The following SNX24 variants were observed in gnomAD, a reference collection of about 807,000 sequenced individuals.
The protein encoded by SNX24 is sorting nexin 24.
Under a neutral mutation model 28.7 loss-of-function variants are expected in SNX24, and 22 were observed. That is an observed-to-expected ratio of 0.77 (90% CI 0.55 to 1.10). The LOEUF is 1.10. Among genes scored for constraint, SNX24 ranks in the 50% least tolerant of loss-of-function variants. SNX24 has a pLI of 0.00. For missense variants in SNX24, 221 were observed against 201.1 expected, an observed-to-expected ratio of 1.10 and a Z score of -0.60; for synonymous variants, 69 against 71.5, an observed-to-expected ratio of 0.96 and a Z score of 0.18.
intron 1 of SNX24, among the ~76,000 whole-genome samples, chr5:122,852,517 A>T (rs573287093): frequency 2.2e-4 from 34 of 151,900 alleles, no homozygotes; most frequent in African/African-American, 8.2e-4. Context: ...CAAATTTTGT[A>T]TTTTTGCTAG....
At chr5:122,942,943 T>G (rs1759524185) in intron 2 of SNX24, among the ~76,000 whole-genome samples, 1 of 152,204 alleles carries the variant, frequency 6.6e-6, no homozygotes, top group African/African-American at 2.4e-5. Flanking sequence ...TGCTAGATCT[T>G]CTAAATTTTT....
chr5:122,849,260 G>A (rs944680768), intron 1 of SNX24, among the ~76,000 whole-genome samples: 4 of 152,152 alleles, frequency 2.6e-5, no homozygotes, highest in African/African-American at 7.2e-5. Flanking sequence ...AACATGTAAA[G>A]CTTTATTTAC....
intron 1 of SNX24, among the ~76,000 whole-genome samples, chr5:122,920,203 G>A (rs1020821861): frequency 4.6e-5 from 7 of 152,206 alleles, no homozygotes; most frequent in African/African-American, 1.7e-4. Flanking sequence ...ATGTGGTGAA[G>A]CCTTTTTGAG....
At chr5:122,999,672 G>A (rs553318844) in intron 3 of SNX24, among the ~76,000 whole-genome samples, 1 of 152,284 alleles carries the variant, frequency 6.6e-6, no homozygotes, top group Non-Finnish European at 1.5e-5. Context: ...TATAGTAGGT[G>A]CTCTATAAAT....
At chr5:123,006,814 C>T (rs901620729) in intron 6 of SNX24, among the ~76,000 whole-genome samples, 2 of 152,170 alleles carry the variant, frequency 1.3e-5, no homozygotes, top group African/African-American at 4.8e-5. Context: ...TCTGATGAGG[C>T]CCAATCCCCT....
intron 6 of SNX24, among the ~76,000 whole-genome samples, chr5:123,007,479 G>T (rs922869252): frequency 7.2e-5 from 11 of 152,114 alleles, no homozygotes; most frequent in African/African-American, 2.4e-4. Flanking sequence ...TTCCTGCCGC[G>T]CCTGGTGGTG....
chr5:123,009,422 A>C (rs1025974449), downstream of SNX24, among the ~76,000 whole-genome samples: 2 of 152,186 alleles, frequency 1.3e-5, no homozygotes. Context: ...GATAATAAGA[A>C]TTTTTTTGAA....
intron 3 of SNX24, among the ~76,000 whole-genome samples, chr5:122,980,198 T>C (rs1761335389): frequency 6.6e-6 from 1 of 152,196 alleles, no homozygotes; most frequent in South Asian, 2.1e-4. Context: ...TTTTTTGCAA[T>C]TTATAATTTT....
chr5:122,975,150 A>AT (rs1561681971), intron 3 of SNX24, among the ~76,000 whole-genome samples: 1 of 151,704 alleles, frequency 6.6e-6, no homozygotes, highest in Non-Finnish European at 1.5e-5. Context: ...ACCCCATCAC[A>AT]TTTTTCCTTC....
At chr5:122,912,964 C>T (rs1412493965) in intron 1 of SNX24, among the ~76,000 whole-genome samples, 4 of 152,074 alleles carry the variant, frequency 2.6e-5, no homozygotes, top group East Asian at 1.9e-4. Context: ...GCACATCTTG[C>T]ACCGCCCTTA....
At chr5:122,938,618 G>T (rs1253660930) in intron 2 of SNX24, among the ~76,000 whole-genome samples, 2 of 152,180 alleles carry the variant, frequency 1.3e-5, no homozygotes, top group Non-Finnish European at 2.9e-5. Context: ...CCTTGTGATT[G>T]TATTCGATTT....
intron 4 of SNX24, among the ~76,000 whole-genome samples, chr5:123,001,122 A>G (rs1386713841): frequency 6.6e-6 from 1 of 152,248 alleles, no homozygotes; most frequent in Non-Finnish European, 1.5e-5. Flanking sequence ...GACATTAGCA[A>G]TGGCAGTGAG....
downstream of SNX24, among the ~76,000 whole-genome samples, chr5:123,009,729 A>G (rs1161932466): frequency 1.3e-5 from 2 of 151,558 alleles, no homozygotes; most frequent in African/African-American, 2.4e-5. Context: ...AGAAAAGGCT[A>G]TAATGCTGAA....
intron 3 of SNX24, among the ~76,000 whole-genome samples, chr5:122,964,120 G>A (rs1221516679): frequency 6.6e-6 from 1 of 151,780 alleles, no homozygotes; most frequent in African/African-American, 2.4e-5. Flanking sequence ...GCAGCCGCCT[G>A]TAATCCCAGC....
At chr5:122,936,671 T>TA in intron 1 of SNX24, 63 bp from the exon 2 acceptor site, 2 of 973,176 alleles carry the variant, frequency 2.1e-6, no homozygotes, top group Non-Finnish European at 3.2e-6. Context: ...GTCACAAACT[T>TA]ACCACATCAG....
intron 1 of SNX24, among the ~76,000 whole-genome samples, chr5:122,883,093 A>C (rs1259975708): frequency 6.6e-6 from 1 of 152,182 alleles, no homozygotes; most frequent in Non-Finnish European, 1.5e-5. Flanking sequence ...AGATTTGTTC[A>C]GAATCATTTA....
chr5:122,971,527 A>T (rs939001497), intron 3 of SNX24, among the ~76,000 whole-genome samples: 3 of 152,192 alleles, frequency 2.0e-5, no homozygotes, highest in African/African-American at 7.2e-5. Flanking sequence ...AAAGACAATA[A>T]TGAGGTCATA....
rs1758463362 is a variant in SNX24 at position 122,922,238 on chromosome 5, G to GT, written c.61-14491dup. Among the ~76,000 whole-genome samples the GT allele has an allele frequency of 2.6e-5, 4 of 151,930 alleles. No individual in the cohort carries two copies. The South Asian group carries it at 8.3e-4, about 32-fold the overall frequency. ...TTTAAAGTATCAGGCAGGTTTTTTT[G>GT]TTTTTGTGGGGTTTTTGTTTGTTTG... On this transcript the variant is annotated intron_variant, in intron 1 of 6. Transcript: ENST00000261369.
chr5:122,849,430 G>T (rs1404423060), intron 1 of SNX24, among the ~76,000 whole-genome samples: 1 of 152,122 alleles, frequency 6.6e-6, no homozygotes, highest in Admixed American at 6.6e-5. Flanking sequence ...CCTGAGGGAG[G>T]GAGAGGTCAG....
Sources: allele counts gnomAD v4.1 joint callset (sites outside exome capture counted in the v4.1 genomes callset), GRCh38; gene constraint gnomAD v4.1.1; transcripts MANE v1.5; gene names NCBI Gene and HGNC (gene_info 2026-07-23, HGNC 2026-07-21).